TNNI3K: variants seen among roughly 807,000 people sequenced by gnomAD.
The protein encoded by TNNI3K is TNNI3 interacting kinase.
A neutral mutation model predicts 114.5 loss-of-function variants in TNNI3K; 140 were observed. The observed-to-expected ratio is 1.22, with a 90% confidence interval of 1.07 to 1.41. The LOEUF is 1.41. Among genes scored for constraint, TNNI3K ranks in the 40% most tolerant of loss-of-function variants. TNNI3K has a pLI of 0.00. For synonymous variants in TNNI3K, 347 were observed against 347.5 expected (o/e 1.00, Z 0.02); for missense variants, 1,125 against 1,007.6 (o/e 1.12, Z -1.58).
At position 74,353,903 on chromosome 1, in the gene TNNI3K, T is replaced by C. The variant is rs17095174; in HGVS notation, c.1028-77T>C. On this transcript the variant is annotated intron_variant, in intron 10 of 24. Transcript: ENST00000326637. Reference sequence around the variant, plus strand: ...CTTTGGAAATAATGCTATTATGTGGTGATGACTGTCTTTTGAAAATTGGGG... The same window carrying C: ...CTTTGGAAATAATGCTATTATGTGGCGATGACTGTCTTTTGAAAATTGGGG... 3.0e-3 allele frequency: 4,549 copies of C among 1,517,808 alleles called. 136 individuals carry two copies. In the African/African-American group the frequency reaches 0.058, roughly 19 times the overall value. 94.0% of individuals were successfully genotyped at this position (1,517,808 alleles called of 1,614,324 possible). A position where few individuals can be genotyped will look rare whatever the true frequency, so the allele number is the denominator to read the frequency against.
At chr1:74,526,491 A>G (rs890711513) in intron 23 of TNNI3K, among the ~76,000 whole-genome samples, 1 of 152,174 alleles carries the variant, frequency 6.6e-6, no homozygotes, top group Non-Finnish European at 1.5e-5. Context: ...GACTTTGGCC[A>G]AGTTAGTTGA....
chr1:74,368,922 A>C, intron 13 of TNNI3K, 100 bp from the exon 14 acceptor site: 1 of 999,652 alleles, frequency 1.0e-6, no homozygotes, highest in East Asian at 3.0e-5. Context: ...AAATGTTATT[A>C]GGAAATTATG....
intron 17 of TNNI3K, among the ~76,000 whole-genome samples, chr1:74,398,679 C>T (rs566176228): frequency 6.6e-6 from 1 of 152,188 alleles, no homozygotes; most frequent in Non-Finnish European, 1.5e-5. Flanking sequence ...ACAAATTATA[C>T]CCAGATTTGG....
chr1:74,491,444 G>T (rs548158807), intron 22 of TNNI3K, among the ~76,000 whole-genome samples: 1 of 152,190 alleles, frequency 6.6e-6, no homozygotes, highest in Admixed American at 6.5e-5. Flanking sequence ...GTGTCGATCT[G>T]TTGACCAGGA....
At chr1:74,238,960 A>C (rs2100825131) in intron 2 of TNNI3K, among the ~76,000 whole-genome samples, 1 of 152,236 alleles carries the variant, frequency 6.6e-6, no homozygotes, top group Non-Finnish European at 1.5e-5. Flanking sequence ...CAATAACCTG[A>C]ATGTTTAACA....
intron 23 of TNNI3K, among the ~76,000 whole-genome samples, chr1:74,532,920 T>C (rs1646608934): frequency 6.6e-6 from 1 of 152,146 alleles, no homozygotes; most frequent in African/African-American, 2.4e-5. Flanking sequence ...TAATTCAAGA[T>C]GGATTAAAGA....
intron 17 of TNNI3K, among the ~76,000 whole-genome samples, chr1:74,429,896 C>T (rs747786479): frequency 3.9e-5 from 6 of 152,058 alleles, no homozygotes; most frequent in Non-Finnish European, 7.4e-5. Context: ...TATAGGAAGC[C>T]TGGGAAGCAT....
intron 23 of TNNI3K, among the ~76,000 whole-genome samples, chr1:74,501,472 T>TTA (rs1553153385): frequency 8.9e-6 from 1 of 112,822 alleles, no homozygotes; most frequent in Admixed American, 1.0e-4. Context: ...TTTTTTTGTT[T>TTA]TGTGTTTGTT....
intron 17 of TNNI3K, among the ~76,000 whole-genome samples, chr1:74,382,721 C>T (rs1387811774): frequency 6.6e-6 from 1 of 152,170 alleles, no homozygotes; most frequent in East Asian, 1.9e-4. Context: ...TATTCTCAGT[C>T]ACTAAACCCT....
In TNNI3K at chr1:74,437,248, G is replaced by C. The variant is rs575222162; in HGVS notation, c.1878+722G>C. Among the ~76,000 whole-genome samples, 5 of 152,004 alleles carry C rather than the reference G, an allele frequency of 3.3e-5. No individual in the cohort carries two copies. The South Asian group carries it at 1.0e-3, about 32-fold the overall frequency. ...AAACCTCTCACTTCCTGCTGCTTCA[G>C]TTCAGATTCTCGTCACTTCTTTTCT... is the stretch of plus-strand genomic sequence containing the variant. On this transcript the variant is annotated intron_variant, in intron 19 of 24. Transcript: ENST00000326637.
chr1:74,389,756 C>T (rs1663669778), intron 17 of TNNI3K, among the ~76,000 whole-genome samples: 1 of 151,992 alleles, frequency 6.6e-6, no homozygotes, highest in South Asian at 2.1e-4. Context: ...TCATTTAGAC[C>T]CTTTAGAAGT....
At chr1:74,251,250 C>T (rs1048355580) in intron 4 of TNNI3K, among the ~76,000 whole-genome samples, 2 of 152,282 alleles carry the variant, frequency 1.3e-5, no homozygotes, top group Admixed American at 1.3e-4. Context: ...GCCCCTGGCT[C>T]CAACCTAATC....
chr1:74,292,691 C>T (rs1023846091), intron 5 of TNNI3K, among the ~76,000 whole-genome samples: 1 of 151,526 alleles, frequency 6.6e-6, no homozygotes, highest in Non-Finnish European at 1.5e-5. Flanking sequence ...TGCTACACAG[C>T]TTATAGGTAC....
chr1:74,492,411 G>T (rs905431671), intron 23 of TNNI3K, 145 bp downstream of exon 23: 2 of 1,128,146 alleles, frequency 1.8e-6, no homozygotes, highest in Non-Finnish European at 1.2e-6. Flanking sequence ...TTTTTCTTAC[G>T]TTATGACTAA....
intron 20 of TNNI3K, among the ~76,000 whole-genome samples, chr1:74,440,993 G>A (rs979696187): frequency 2.2e-4 from 33 of 152,086 alleles, no homozygotes; most frequent in African/African-American, 8.0e-4. Context: ...TCTAATACAT[G>A]GGTTTCTCTA....
At chr1:74,463,375 T>G (rs1667530516) in intron 20 of TNNI3K, 66 bp from the exon 21 acceptor site, 3 of 1,539,464 alleles carry the variant, frequency 1.9e-6, no homozygotes, top group Non-Finnish European at 2.7e-6. Context: ...TGTGTGTGTG[T>G]GTCTTCATTT....
chr1:74,391,369 A>G (rs914654272), intron 17 of TNNI3K, among the ~76,000 whole-genome samples: 1 of 152,196 alleles, frequency 6.6e-6, no homozygotes, highest in East Asian at 1.9e-4. Context: ...TAGAATGGTG[A>G]CAGTGGACAT....
intron 17 of TNNI3K, among the ~76,000 whole-genome samples, chr1:74,410,564 C>A (rs1664833558): frequency 6.6e-6 from 1 of 152,174 alleles, no homozygotes; most frequent in South Asian, 2.1e-4. Context: ...CACTACAATT[C>A]TTTCATTAAC....
At chr1:74,275,181 C>A (rs1656601114) in intron 5 of TNNI3K, among the ~76,000 whole-genome samples, 1 of 151,932 alleles carries the variant, frequency 6.6e-6, no homozygotes, top group African/African-American at 2.4e-5. Context: ...CGAGACTGGG[C>A]AATTTACAAA....
Sources: gnomAD v4.1 joint callset for allele counts (sites outside exome capture counted in the v4.1 genomes callset) on GRCh38, gnomAD v4.1.1 for gene constraint, MANE v1.5 for transcripts, NCBI Gene and HGNC (gene_info 2026-07-23, HGNC 2026-07-21) for gene names.